Variants in APBB1IP observed in about 807,000 individuals in gnomAD.
APBB1IP encodes the protein amyloid beta A4 precursor protein-binding family B member 1-interacting protein.
APBB1IP carries 27 observed loss-of-function variants against 64.9 expected under a neutral mutation model. That is an observed-to-expected ratio of 0.42 (90% CI 0.31 to 0.57). The LOEUF is 0.57. Ranked by LOEUF, APBB1IP falls within the 20% of genes least tolerant of loss-of-function variation. The probability of loss-of-function intolerance (pLI) is 0.20; values close to 1 mark genes in which losing one functional copy is unlikely to be tolerated. For missense variants in APBB1IP, 812 were observed against 845.5 expected, an observed-to-expected ratio of 0.96 and a Z score of 0.49; for synonymous variants, 392 against 331.0, an observed-to-expected ratio of 1.18 and a Z score of -2.00.
At chr10:26,439,060 C>G (rs1835311428) in intron 2 of APBB1IP, among the ~76,000 whole-genome samples, 1 of 152,120 alleles carries the variant, frequency 6.6e-6, no homozygotes, top group South Asian at 2.1e-4. Flanking sequence ...GGACCCGGCT[C>G]GCGAGGGTGG....
At chr10:26,563,065 A>T (rs895694936) in intron 14 of APBB1IP, among the ~76,000 whole-genome samples, 1 of 152,198 alleles carries the variant, frequency 6.6e-6, no homozygotes, top group Admixed American at 6.5e-5. Context: ...ATAGTAGCAC[A>T]TCCAAGTTTT....
intron 2 of APBB1IP, among the ~76,000 whole-genome samples, chr10:26,456,433 C>T (rs985699656): frequency 3.3e-5 from 5 of 151,918 alleles, no homozygotes; most frequent in African/African-American, 4.8e-5. Context: ...GGGGTTGATG[C>T]GGGTTGGACT....
At chr10:26,441,102 T>C (rs1467912327) in intron 2 of APBB1IP, among the ~76,000 whole-genome samples, 1 of 152,158 alleles carries the variant, frequency 6.6e-6, no homozygotes, top group East Asian at 1.9e-4. Flanking sequence ...ACAGAACAAT[T>C]TTTATTAACA....
rs750260002 is a variant in APBB1IP, at chr10:26,566,957, GCA to G, written c.1474-3_1474-2del. Reference sequence around the variant, plus strand: ...AAATGAATGCTACTGCCACTCGGTTGCAGGATAAGAAGCCAGCCCTCGGGAAC... The same window carrying G: ...AAATGAATGCTACTGCCACTCGGTTGGGATAAGAAGCCAGCCCTCGGGAAC... On this transcript the variant is annotated splice_acceptor_variant and splice_polypyrimidine_tract_variant and intron_variant, in intron 14 of 14. Transcript: ENST00000376236. LOFTEE classifies it high-confidence loss of function. 1.3e-6 allele frequency: 2 copies of G among 1,570,162 alleles called. No homozygotes were observed. The highest frequency in any genetic ancestry group is 1.7e-6 in the Non-Finnish European group (2 of 1,169,192).
intron 2 of APBB1IP, among the ~76,000 whole-genome samples, chr10:26,446,937 G>A (rs1382299595): frequency 6.6e-6 from 1 of 152,132 alleles, no homozygotes; most frequent in African/African-American, 2.4e-5. Context: ...CAGTCTAGTG[G>A]GAAAGACAGG....
chr10:26,559,549 G>A (rs1420583195), intron 11 of APBB1IP, among the ~76,000 whole-genome samples: 1 of 151,926 alleles, frequency 6.6e-6, no homozygotes, highest in Non-Finnish European at 1.5e-5. Flanking sequence ...CTCCAGCCAG[G>A]ACAACTCTGC....
chr10:26,532,981 G>A (rs1388178437), intron 8 of APBB1IP, among the ~76,000 whole-genome samples: 1 of 152,210 alleles, frequency 6.6e-6, no homozygotes, highest in Non-Finnish European at 1.5e-5. Context: ...GGATTCTCTT[G>A]ATAAGCCAGA....
chr10:26,450,065 A>T (rs1376108919), intron 2 of APBB1IP, among the ~76,000 whole-genome samples: 2 of 152,306 alleles, frequency 1.3e-5, no homozygotes, highest in East Asian at 3.9e-4. Context: ...ATGGAAAGTA[A>T]AATTATGGAG....
intron 2 of APBB1IP, among the ~76,000 whole-genome samples, chr10:26,485,426 A>C (rs533213691): frequency 6.6e-6 from 1 of 152,312 alleles, no homozygotes; most frequent in South Asian, 2.1e-4. Context: ...TCTTCTCATT[A>C]GTCTGGGAAG....
chr10:26,537,006 CA>C (rs1200203567), intron 10 of APBB1IP, among the ~76,000 whole-genome samples: 1 of 152,034 alleles, frequency 6.6e-6, no homozygotes, highest in African/African-American at 2.4e-5. Flanking sequence ...CCTAATTTAA[CA>C]GGGTATTTTA....
At chr10:26,534,200 C>T (rs1167726498) in intron 9 of APBB1IP, among the ~76,000 whole-genome samples, 1 of 147,078 alleles carries the variant, frequency 6.8e-6, no homozygotes, top group Non-Finnish European at 1.5e-5. Flanking sequence ...GGGGCACACA[C>T]CTGTAATCCC....
chr10:26,517,600 C>T (rs762146347), intron 8 of APBB1IP, among the ~76,000 whole-genome samples: 21 of 152,200 alleles, frequency 1.4e-4, no homozygotes, highest in Non-Finnish European at 2.8e-4. Flanking sequence ...CCATCACACC[C>T]GGCCAAGTTT....
intron 2 of APBB1IP, among the ~76,000 whole-genome samples, chr10:26,441,654 C>A (rs1010946997): frequency 2.6e-5 from 4 of 152,132 alleles, no homozygotes; most frequent in Non-Finnish European, 4.4e-5. Flanking sequence ...TGGTCCCAAA[C>A]CTCAGGCATG....
intron 2 of APBB1IP, among the ~76,000 whole-genome samples, chr10:26,478,423 T>C (rs1435570556): frequency 6.6e-6 from 1 of 152,064 alleles, no homozygotes; most frequent in Non-Finnish European, 1.5e-5. Context: ...TGGTGTCTCA[T>C]GCCTGTAATC....
intron 2 of APBB1IP, among the ~76,000 whole-genome samples, chr10:26,466,286 G>A (rs374325328): frequency 6.6e-6 from 1 of 152,110 alleles, no homozygotes; most frequent in East Asian, 1.9e-4. Flanking sequence ...TTGATGGGGG[G>A]ACTTCCAGAG....
At chr10:26,482,791 A>G (rs1265838573) in intron 2 of APBB1IP, among the ~76,000 whole-genome samples, 1 of 152,030 alleles carries the variant, frequency 6.6e-6, no homozygotes, top group Non-Finnish European at 1.5e-5. Flanking sequence ...CTAGTAATAA[A>G]CTCAAAACAC....
intron 8 of APBB1IP, among the ~76,000 whole-genome samples, chr10:26,520,166 C>A (rs1251624246): frequency 1.3e-5 from 2 of 152,188 alleles, no homozygotes; most frequent in African/African-American, 2.4e-5. Flanking sequence ...GCTCTTGCTG[C>A]CTTTTTCATG....
At chr10:26,516,642 G>C (rs1269901650) in intron 8 of APBB1IP, among the ~76,000 whole-genome samples, 1 of 151,454 alleles carries the variant, frequency 6.6e-6, no homozygotes, top group African/African-American at 2.4e-5. Context: ...GCAGGTAGGG[G>C]AAGAGTGAAT....
intron 11 of APBB1IP, among the ~76,000 whole-genome samples, chr10:26,551,812 A>G (rs541327319): frequency 6.6e-6 from 1 of 152,076 alleles, no homozygotes; most frequent in Non-Finnish European, 1.5e-5. Flanking sequence ...GACTTTTTCT[A>G]TTGTGTTCAC....
Sources: gnomAD v4.1 joint callset for allele counts (sites outside exome capture counted in the v4.1 genomes callset) on GRCh38, gnomAD v4.1.1 for gene constraint, MANE v1.5 for transcripts, NCBI Gene and HGNC (gene_info 2026-07-23, HGNC 2026-07-21) for gene names.